Variants in SHANK1 observed in about 807,000 individuals in gnomAD.
The protein encoded by SHANK1 is SH3 and multiple ankyrin repeat domains 1.
A neutral mutation model predicts 165.6 loss-of-function variants in SHANK1; 35 were observed. The ratio of observed to expected loss-of-function variants is 0.21; its 90% CI spans 0.16 to 0.28. The LOEUF (loss-of-function observed/expected upper bound fraction) is 0.28, where lower values mean the gene tolerates loss of function less well. Among genes scored for constraint, SHANK1 ranks in the 10% least tolerant of loss-of-function variants. The pLI is 1.00. For synonymous variants in SHANK1, 1,428 were observed against 1,384.8 expected, an observed-to-expected ratio of 1.03 and a Z score of -0.69; for missense variants, 2,681 against 3,036.4, an observed-to-expected ratio of 0.88 and a Z score of 2.75.
chr19:50,685,140 G>A (rs1381275117), intron 21 of SHANK1, among the ~76,000 whole-genome samples: 1 of 152,188 alleles, frequency 6.6e-6, no homozygotes, highest in Non-Finnish European at 1.5e-5. Context: ...AAGGCAGAGC[G>A]TGGCCTCTGG....
At chr19:50,689,698 A>G (rs1986482857) in intron 15 of SHANK1, among the ~76,000 whole-genome samples, 1 of 152,104 alleles carries the variant, frequency 6.6e-6, no homozygotes, top group Non-Finnish European at 1.5e-5. Flanking sequence ...GCTATCACAG[A>G]TCCTACCTGA....
chr19:50,714,432 G>A (rs921041010), intron 4 of SHANK1, 142 bp from the exon 5 acceptor site: 5 of 712,636 alleles, frequency 7.0e-6, no homozygotes, highest in Non-Finnish European at 1.2e-5. Context: ...CCTTTACAGA[G>A]AAAATACCCA....
At chr19:50,680,525 G>T (rs1028339043) in intron 21 of SHANK1, among the ~76,000 whole-genome samples, 1 of 152,104 alleles carries the variant, frequency 6.6e-6, no homozygotes. Flanking sequence ...AGCCCAAGAG[G>T]TGCCCTGACC....
chr19:50,696,930 A>T (rs1986760081), intron 15 of SHANK1, among the ~76,000 whole-genome samples, 166 bp downstream of exon 15: 1 of 152,150 alleles, frequency 6.6e-6, no homozygotes, highest in Non-Finnish European at 1.5e-5. Context: ...GTACAGGTAC[A>T]TCCAGGCCAC....
rs766991217 is a variant in SHANK1, at chr19:50,668,492, G to T, written c.3468C>A (p.Pro1156=). Residue 1156 remains proline (P), a synonymous_variant, in exon 23 of 24, where the codon CCC becomes CCA. Transcript: ENST00000293441. ...TGGACGGGGCCTTGATGATGATGGT[G>T]GGGATGGGGATGGAGTTCTTCTCCG... is the stretch of plus-strand genomic sequence containing the variant. ...APSEKNSIPI[P]TIIIKAPSTS... 5 of 1,346,142 alleles carry T rather than the reference G, an allele frequency of 3.7e-6. No homozygotes were observed. Among genetic ancestry groups the T allele is most frequent in the Non-Finnish European group, 4.8e-6 (5 of 1,048,438 alleles). 83.4% of individuals were successfully genotyped at this position (1,346,142 alleles called of 1,614,324 possible).
rs116672235 is a variant in SHANK1, at chr19:50,685,116, G to A, written c.2577+1121C>T. 4.9e-3 allele frequency among the ~76,000 whole-genome samples: 749 copies of A among 152,294 alleles called. 9 individuals carry two copies. The highest frequency in any genetic ancestry group is 0.017 in the African/African-American group (723 of 41,556). ...GGGACTGGGCAGAGAAGAAGGAAGC[G>A]GGAAGGGAGGAGCAAGGCAGAGCGT... On this transcript the variant is annotated intron_variant, in intron 21 of 23. Coordinates refer to ENST00000293441, the MANE Select transcript of SHANK1 (RefSeq NM_016148.5).
At chr19:50,663,600 G>A (rs1266657727) in intron 23 of SHANK1, among the ~76,000 whole-genome samples, 6 of 152,044 alleles carry the variant, frequency 3.9e-5, no homozygotes, top group Non-Finnish European at 8.8e-5. Context: ...TGAGCCCTGT[G>A]GAGTTGCACA....
Position 50,686,951 on chromosome 19 carries a change from G to A in SHANK1, c.2390-139C>T, listed in dbSNP as rs1284866571. 7.4e-7 allele frequency: 1 copy of A among 1,345,514 alleles called. No homozygotes were observed. The highest frequency in any genetic ancestry group is 1.5e-5 in the African/African-American group (1 of 65,222). The allele number at this position is 1,345,514 out of a possible 1,614,324, so 83.3% of individuals were successfully genotyped here. A position where few individuals can be genotyped will look rare whatever the true frequency, so the allele number is the denominator to read the frequency against. On this transcript the variant is annotated intron_variant, in intron 19 of 23. Transcript: ENST00000293441. The surrounding 1 kb of genome is among the most constrained non-coding windows in gnomAD (Gnocchi z 5.7). ...AGGGGCAGTGAGGGGCCGGGGTCAG[G>A]GAGGGGCGAGTCCGCCGGCGGGGTC...
At chr19:50,687,029 TC>T in intron 19 of SHANK1, 1 of 1,485,040 alleles carries the variant, frequency 6.7e-7, no homozygotes, top group South Asian at 1.4e-5. Flanking sequence ...CTCTTCTTCT[TC>T]CAGGGGGAGA....
rs796919361 is a variant in SHANK1, at chr19:50,660,722, T to TGGGG, written c.*1239_*1242dup. On this transcript the variant is annotated 3_prime_UTR_variant, in exon 24 of 24. Coordinates refer to ENST00000293441, the MANE Select transcript of SHANK1 (RefSeq NM_016148.5). ...GGCTTCCGGAGAGCACTGAAAATGC[T>TGGGG]GGGGGGGGGGGCGCGTGTGCAAAAG... 6.8e-4 allele frequency among the ~76,000 whole-genome samples: 37 copies of TGGGG among 54,650 alleles called. No individual in the cohort carries two copies. Among genetic ancestry groups the TGGGG allele is most frequent in the African/African-American group, 1.5e-3 (17 of 11,522 alleles). 35.9% of individuals were successfully genotyped at this position (54,650 alleles called of 152,430 possible).
chr19:50,703,601 C>G lies in SHANK1; in HGVS notation c.1452G>C (p.Gly484=). 1 of 1,558,584 alleles carries G rather than the reference C, an allele frequency of 6.4e-7. No individual in the cohort carries two copies. Among genetic ancestry groups the G allele is most frequent in the Non-Finnish European group, 8.7e-7 (1 of 1,154,790 alleles). ...GGGGGCTGCTGGCACTTCGGAGGGT[C>G]CCGCTGCTGAGCTTGGTGGTGGGGG... The part of the protein sequence containing the change: ...PSAPTTKLSS[G]TLRSASSPRG... Residue 484 remains glycine, a synonymous_variant, in exon 11 of 24, where the codon GGG becomes GGC. Coordinates refer to ENST00000293441, the MANE Select transcript of SHANK1 (RefSeq NM_016148.5).
chr19:50,717,109 ACG>A lies in SHANK1; in HGVS notation c.-43-149_-43-148del. The A allele has an allele frequency of 1.7e-6, 1 of 581,286 alleles. No individual in the cohort carries two copies. Among genetic ancestry groups the A allele is most frequent in the Non-Finnish European group, 2.6e-6 (1 of 378,310 alleles). The allele number at this position is 581,286 out of a possible 1,614,324, so 36.0% of individuals were successfully genotyped here. ...GAGGCTGGACACACCCTCGGCCTGC[ACG>A]GCCTCCCCTGCCGCCTCCTCCCACG... On this transcript the variant is annotated intron_variant, in intron 1 of 23. Coordinates refer to ENST00000293441, the MANE Select transcript of SHANK1 (RefSeq NM_016148.5). The surrounding 1 kb of genome is among the most constrained non-coding windows in gnomAD (Gnocchi z 5.5).
chr19:50,714,457 C>T (rs903401774), intron 4 of SHANK1, among the ~76,000 whole-genome samples, 167 bp from the exon 5 acceptor site: 5 of 151,970 alleles, frequency 3.3e-5, no homozygotes, highest in Admixed American at 6.6e-5. Context: ...TTTGGGAGGC[C>T]GAGGCGGGAG....
intron 15 of SHANK1, among the ~76,000 whole-genome samples, chr19:50,695,611 C>T (rs183167098): frequency 6.6e-6 from 1 of 151,192 alleles, no homozygotes; most frequent in East Asian, 2.0e-4. Context: ...CACAAGATGC[C>T]TCGCAGCCGC....
At chr19:50,694,842 G>C (rs574982480) in intron 15 of SHANK1, among the ~76,000 whole-genome samples, 11,417 of 147,286 alleles carry the variant, frequency 0.078, 878 homozygotes, top group Admixed American at 0.24. Flanking sequence ...GGGGAGGGTC[G>C]CCACCGCGGG....
intron 23 of SHANK1, among the ~76,000 whole-genome samples, chr19:50,663,922 CTT>C (rs71964058): frequency 2.4e-4 from 26 of 110,380 alleles, no homozygotes; most frequent in Non-Finnish European, 3.7e-4. Flanking sequence ...TTTTTCTTTT[CTT>C]TCTCTCTCTC....
At position 50,663,753 on chromosome 19, in the gene SHANK1, A is replaced by G. The variant is rs552030370; in HGVS notation, c.5769-1071T>C. On this transcript the variant is annotated intron_variant, in intron 23 of 23. Transcript: ENST00000293441. ...CTGCTACAAGCAGTGGAAAAAAAAA[A>G]AAAGAAAAGAAAAAAAAAATCCTCT... is the stretch of plus-strand genomic sequence containing the variant. 5.6e-5 allele frequency among the ~76,000 whole-genome samples: 7 copies of G among 125,460 alleles called. No individual in the cohort carries two copies. In the South Asian group the frequency reaches 1.7e-3, roughly 30 times the overall value. 82.3% of individuals were successfully genotyped at this position (125,460 alleles called of 152,430 possible).
intron 7 of SHANK1, among the ~76,000 whole-genome samples, chr19:50,711,708 CCTTA>C (rs2089012958): frequency 6.6e-6 from 1 of 152,228 alleles, no homozygotes; most frequent in Admixed American, 6.5e-5. Flanking sequence ...TGGTCTGCCT[CCTTA>C]AGGGGGTCAA....
chr19:50,665,436 G>A (rs1053756686), intron 23 of SHANK1, among the ~76,000 whole-genome samples: 10 of 151,682 alleles, frequency 6.6e-5, no homozygotes, highest in South Asian at 2.1e-4. Flanking sequence ...GCATGGTGGC[G>A]GGCACCTGTA....
Sources: gnomAD v4.1 joint callset for allele counts (sites outside exome capture counted in the v4.1 genomes callset) on GRCh38, gnomAD v4.1.1 for gene constraint, Gnocchi (gnomAD v3.1) non-coding constraint, MANE v1.5 for transcripts, NCBI Gene and HGNC (gene_info 2026-07-23, HGNC 2026-07-21) for gene names.